The following ZNF800 variants were observed in gnomAD, a reference collection of about 807,000 sequenced individuals.
ZNF800 encodes the protein zinc finger protein 800.
ZNF800 carries 13 observed loss-of-function variants against 59.5 expected under a neutral mutation model. The ratio of observed to expected loss-of-function variants is 0.22; its 90% CI spans 0.14 to 0.35. The LOEUF (loss-of-function observed/expected upper bound fraction) is 0.35. Among genes scored for constraint, ZNF800 ranks in the 10% least tolerant of loss-of-function variants. ZNF800 has a pLI of 1.00. For missense variants in ZNF800, 621 were observed against 783.7 expected (o/e 0.79, Z 2.48); for synonymous variants, 266 against 265.7 (o/e 1.00, Z -0.01).
intron 3 of ZNF800, among the ~76,000 whole-genome samples, chr7:127,384,227 C>CTTTTTTTTTTTGTTTTTT (rs1801064346): frequency 1.6e-5 from 1 of 63,392 alleles, no homozygotes; most frequent in African/African-American, 7.0e-5. Context: ...ATTCTAACTT[C>CTTTTTTTTTTTGTTTTTT]TTTTTTTTTT....
At chr7:127,373,031 C>T in intron 5 of ZNF800, 4 of 985,136 alleles carry the variant, frequency 4.1e-6, no homozygotes, top group Non-Finnish European at 4.8e-6. Flanking sequence ...CTATTGTAAA[C>T]ATAAGCCAAT....
At chr7:127,385,688 CTACTG>C (rs1214181931) in intron 3 of ZNF800, among the ~76,000 whole-genome samples, 3 of 152,094 alleles carry the variant, frequency 2.0e-5, no homozygotes, top group African/African-American at 4.8e-5. Flanking sequence ...TCTGAGTAAT[CTACTG>C]TACCAAAGCT....
intron 1 of ZNF800, chr7:127,350,277 G>T (rs1800146974): frequency 6.6e-6 from 1 of 152,174 alleles, no homozygotes; most frequent in Non-Finnish European, 1.5e-5. Context: ...ATGATTTACT[G>T]AACATAAGCA....
chr7:127,382,262 T>C (rs1368027880), intron 3 of ZNF800, among the ~76,000 whole-genome samples: 1 of 152,178 alleles, frequency 6.6e-6, no homozygotes, highest in African/African-American at 2.4e-5. Context: ...TTTCTAACCA[T>C]AGGGGCATTC....
At chr7:127,387,436 C>G (rs1353260699) in intron 2 of ZNF800, among the ~76,000 whole-genome samples, 1 of 152,150 alleles carries the variant, frequency 6.6e-6, no homozygotes, top group Non-Finnish European at 1.5e-5. Context: ...CTAAACTAGC[C>G]TACTGTGCTA....
chr7:127,372,929 TAA>T (rs1800673642), intron 5 of ZNF800: 7 of 984,504 alleles, frequency 7.1e-6, no homozygotes, highest in Non-Finnish European at 7.2e-6. Flanking sequence ...AAGTTCATTC[TAA>T]TATATTTAAC....
At chr7:127,357,128 T>C (rs1016980831) in intron 1 of ZNF800, among the ~76,000 whole-genome samples, 2 of 152,020 alleles carry the variant, frequency 1.3e-5, no homozygotes, top group African/African-American at 4.8e-5. Flanking sequence ...TGGAGGTACG[T>C]GGTGGTAAAT....
downstream of ZNF800, among the ~76,000 whole-genome samples, chr7:127,342,897 T>C (rs186803629): frequency 1.4e-4 from 22 of 152,204 alleles, no homozygotes; most frequent in East Asian, 4.2e-3. Context: ...TTTATTAAAG[T>C]AGCAACATAA....
intron 1 of ZNF800, among the ~76,000 whole-genome samples, chr7:127,356,831 C>T (rs2117035959): frequency 6.6e-6 from 1 of 152,004 alleles, no homozygotes; most frequent in South Asian, 2.1e-4. Flanking sequence ...TTTATTATAG[C>T]TATCCTCTTC....
chr7:127,345,791 G>T (rs1041953696), downstream of ZNF800, among the ~76,000 whole-genome samples: 5 of 152,186 alleles, frequency 3.3e-5, no homozygotes, highest in African/African-American at 1.2e-4. Flanking sequence ...GTATTGGAGT[G>T]GTTAAGAGTG....
At chr7:127,384,174 T>C (rs1222382896) in intron 3 of ZNF800, among the ~76,000 whole-genome samples, 1 of 149,854 alleles carries the variant, frequency 6.7e-6, no homozygotes, top group Non-Finnish European at 1.5e-5. Flanking sequence ...TTCTTGTTGA[T>C]AAGGCTGTTT....
rs192043380 is a variant in ZNF800, at chr7:127,370,705, C to T, written c.*1109G>A. 6.6e-6 allele frequency: 1 copy of T among 152,498 alleles called. No homozygotes were observed. The highest frequency in any genetic ancestry group is 2.4e-5 in the African/African-American group (1 of 41,522). The allele number at this position is 152,498 out of a possible 1,614,324, so 9.4% of individuals were successfully genotyped here. A position where few individuals can be genotyped will look rare whatever the true frequency, so the allele number is the denominator to read the frequency against. On this transcript the variant is annotated 3_prime_UTR_variant, in exon 6 of 6. Transcript: ENST00000265827. ...AAATAACTAAAAAATAAAATATTCC[C>T]TAAAAGTACAAAATATTGATACACA...
At chr7:127,382,757 C>A (rs577375316) in intron 3 of ZNF800, among the ~76,000 whole-genome samples, 11 of 152,086 alleles carry the variant, frequency 7.2e-5, no homozygotes, top group East Asian at 3.9e-4. Context: ...CACAAGAGTA[C>A]GTAGAGTCAG....
chr7:127,388,113 A>AT (rs1308269539), intron 2 of ZNF800, among the ~76,000 whole-genome samples: 7 of 152,052 alleles, frequency 4.6e-5, no homozygotes, highest in Admixed American at 2.0e-4. Flanking sequence ...TAAAATGGAG[A>AT]TTTTCACAGT....
intron 1 of ZNF800, among the ~76,000 whole-genome samples, chr7:127,357,558 TA>T (rs927474738): frequency 6.6e-5 from 10 of 152,058 alleles, no homozygotes; most frequent in South Asian, 4.1e-4. Flanking sequence ...GCATGGGGAG[TA>T]AATCATGAAA....
Position 127,373,740 on chromosome 7 carries a change from A to G in ZNF800, c.1596T>C (p.Arg532=). The part of the protein sequence containing the change: ...PLCTYETRRK[R]DVIRHITVVH... ...CCACAGTTATATGTCGTATCACATC[A>G]CGTTTCCGACGAGTTTCATAAGTGC... Residue 532 remains arginine, a synonymous_variant, in exon 5 of 6, where the codon CGT becomes CGC. Transcript: ENST00000265827. The G allele has an allele frequency of 6.2e-7, 1 of 1,614,120 alleles. No individual in the cohort carries two copies. Among genetic ancestry groups the G allele is most frequent in the Non-Finnish European group, 8.5e-7 (1 of 1,180,028 alleles).
rs753095578 is a variant in ZNF800 at position 127,377,348 on chromosome 7, G to A, written c.158-19C>T. On this transcript the variant is annotated intron_variant, in intron 3 of 5. Transcript: ENST00000265827. This position sits in a 1 kb window ranked among gnomAD's most constrained non-coding sequence, Gnocchi z 4.7. ...TTAGTTCCTGAGAGAAAAAAGAAAA[G>A]AAAAACTTAACACAAAAGGTAACTT... The A allele has an allele frequency of 6.4e-7, 1 of 1,573,966 alleles. No homozygotes were observed. Among genetic ancestry groups the A allele is most frequent in the Admixed American group, 1.8e-5 (1 of 54,404 alleles).
chr7:127,346,323 C>G (rs1800062936), downstream of ZNF800, among the ~76,000 whole-genome samples: 1 of 152,106 alleles, frequency 6.6e-6, no homozygotes, highest in Admixed American at 6.5e-5. Context: ...ACAGCACCAA[C>G]TTGAGGTTTG....
At chr7:127,391,388 G>T in intron 2 of ZNF800, 109 bp downstream of exon 2, 1 of 1,069,394 alleles carries the variant, frequency 9.4e-7, no homozygotes, top group Non-Finnish European at 1.4e-6. Context: ...GAATATCATA[G>T]CCTGCTTAAG....
Sources: allele counts gnomAD v4.1 joint callset (sites outside exome capture counted in the v4.1 genomes callset), GRCh38; gene constraint gnomAD v4.1.1; non-coding constraint Gnocchi (gnomAD v3.1); transcripts MANE v1.5; gene names NCBI Gene and HGNC (gene_info 2026-07-23, HGNC 2026-07-21).